The following AGPAT3 variants were observed in gnomAD, a reference collection of about 807,000 sequenced individuals.
AGPAT3 encodes the protein 1-acyl-sn-glycerol-3-phosphate acyltransferase gamma.
In AGPAT3, 5 loss-of-function variants were observed where a neutral mutation model predicts 47.3. The ratio of observed to expected loss-of-function variants is 0.11; its 90% CI spans 0.06 to 0.22. AGPAT3 has a LOEUF of 0.22. Among genes scored for constraint, AGPAT3 ranks in the 10% least tolerant of loss-of-function variants. AGPAT3 has a pLI of 1.00. For missense variants in AGPAT3, 315 were observed against 493.0 expected (o/e 0.64, Z 3.42); for synonymous variants, 212 against 208.3 (o/e 1.02, Z -0.15).
At position 43,934,955 on chromosome 21, in the gene AGPAT3, A is replaced by T. The variant is rs1273174286; in HGVS notation, c.-48-24679A>T. Among the ~76,000 whole-genome samples the T allele has an allele frequency of 6.7e-6, 1 of 148,874 alleles. No homozygotes were observed. The highest frequency in any genetic ancestry group is 2.5e-5 in the African/African-American group (1 of 39,992). ...ATGTCACCCACGCCACTCACATGCCACTCACATGCCATTGACACGCCACCA... is the reference window on the plus strand; with the variant it reads ...ATGTCACCCACGCCACTCACATGCCTCTCACATGCCATTGACACGCCACCA... On this transcript the variant is annotated intron_variant, in intron 2 of 9. Coordinates refer to ENST00000291572, the MANE Select transcript of AGPAT3 (RefSeq NM_020132.5). The surrounding 1 kb of genome is among the most constrained non-coding windows in gnomAD (Gnocchi z 4.7).
Position 43,878,175 on chromosome 21 carries a change from C to T in AGPAT3, c.-112+12830C>T, listed in dbSNP as rs372150015. On this transcript the variant is annotated intron_variant, in intron 1 of 9. Coordinates refer to ENST00000291572, the MANE Select transcript of AGPAT3 (RefSeq NM_020132.5). ...ACCTCACGCTCTGCACCCCCACACC[C>T]GGTCTTCAAGCTGCCCCACTGGCCA... Among the ~76,000 whole-genome samples, 141 of 152,282 alleles carry T rather than the reference C, an allele frequency of 9.3e-4. 1 individual carries two copies. The highest frequency in any genetic ancestry group is 3.4e-3 in the Middle Eastern group (1 of 294).
intron 1 of AGPAT3, among the ~76,000 whole-genome samples, chr21:43,866,125 T>TTTG (rs1555895081): frequency 1.1e-4 from 17 of 151,048 alleles, no homozygotes; most frequent in Non-Finnish European, 2.2e-4. Context: ...GCAGTGTTTT[T>TTTG]TTTTTTTTTT....
intron 1 of AGPAT3, among the ~76,000 whole-genome samples, chr21:43,898,055 G>A (rs1005827236): frequency 6.6e-6 from 1 of 152,174 alleles, no homozygotes; most frequent in Admixed American, 6.5e-5. Context: ...CAGGCAGGGA[G>A]GTTGCAGCGA....
intron 1 of AGPAT3, among the ~76,000 whole-genome samples, chr21:43,887,578 GCGCACA>G (rs1356108369): frequency 6.6e-6 from 1 of 152,232 alleles, no homozygotes; most frequent in Non-Finnish European, 1.5e-5. Context: ...ATAAAAGCGT[GCGCACA>G]CGCACACACA....
At chr21:43,868,715 C>G (rs557540328) in intron 1 of AGPAT3, among the ~76,000 whole-genome samples, 2 of 152,292 alleles carry the variant, frequency 1.3e-5, no homozygotes, top group African/African-American at 4.8e-5. Context: ...GGCTCTTGTT[C>G]TCTTCCTCAT....
At chr21:43,975,609 C>A (rs2089587137) in intron 7 of AGPAT3, among the ~76,000 whole-genome samples, 2 of 152,370 alleles carry the variant, frequency 1.3e-5, no homozygotes, top group Non-Finnish European at 2.9e-5. Flanking sequence ...ATGGGCCCCG[C>A]AGCTCAAGCC....
At chr21:43,969,658 G>GT (rs779505379) in intron 5 of AGPAT3, among the ~76,000 whole-genome samples, 9 of 152,110 alleles carry the variant, frequency 5.9e-5, no homozygotes, top group African/African-American at 1.7e-4. Flanking sequence ...TAGCATTTCT[G>GT]TTTTTTTGTT....
At chr21:43,947,569 G>A (rs1368628258) in intron 2 of AGPAT3, among the ~76,000 whole-genome samples, 1 of 152,214 alleles carries the variant, frequency 6.6e-6, no homozygotes, top group Non-Finnish European at 1.5e-5. Context: ...TCTGAGATGA[G>A]ATTGTTTGCT....
chr21:43,944,624 G>A (rs2087802753), intron 2 of AGPAT3, among the ~76,000 whole-genome samples: 1 of 152,260 alleles, frequency 6.6e-6, no homozygotes, highest in Non-Finnish European at 1.5e-5. Flanking sequence ...CCTCAGACAG[G>A]AGATGCATGT....
At chr21:43,875,776 T>A (rs2085720473) in intron 1 of AGPAT3, among the ~76,000 whole-genome samples, 1 of 152,096 alleles carries the variant, frequency 6.6e-6, no homozygotes, top group African/African-American at 2.4e-5. Context: ...CCCGGCTAAT[T>A]TTTGTATTTC....
chr21:43,903,263 G>C (rs1460893331), intron 1 of AGPAT3, among the ~76,000 whole-genome samples: 1 of 152,196 alleles, frequency 6.6e-6, no homozygotes, highest in Non-Finnish European at 1.5e-5. Flanking sequence ...CGGGGATGGG[G>C]AGTAGGTGTT....
rs971899939 is a variant in AGPAT3 at position 43,880,962 on chromosome 21, G to T, written c.-112+15617G>T. Reference sequence around the variant, plus strand: ...ACAAGTTGGTCATTCTTAATGCCAGGGAGGGGGAAGAGAGAGAAAATGAGA... The same window carrying T: ...ACAAGTTGGTCATTCTTAATGCCAGTGAGGGGGAAGAGAGAGAAAATGAGA... On this transcript the variant is annotated intron_variant, in intron 1 of 9. Transcript: ENST00000291572. The surrounding 1 kb of genome is among the most constrained non-coding windows in gnomAD (Gnocchi z 4.5). 3.7e-5 allele frequency among the ~76,000 whole-genome samples: 5 copies of T among 134,906 alleles called. No homozygotes were observed. Among genetic ancestry groups the T allele is most frequent in the South Asian group, 5.0e-4 (2 of 4,008 alleles). The allele number at this position is 134,906 out of a possible 152,430, so 88.5% of individuals were successfully genotyped here. A position where few individuals can be genotyped will look rare whatever the true frequency, so the allele number is the denominator to read the frequency against.
chr21:43,926,857 A>G (rs911471374), intron 2 of AGPAT3, among the ~76,000 whole-genome samples: 1 of 150,964 alleles, frequency 6.6e-6, no homozygotes, highest in African/African-American at 2.4e-5. Flanking sequence ...GCTACTTGGG[A>G]GGCTGAGGCA....
At chr21:43,973,869 C>T (rs577582315) in intron 7 of AGPAT3, among the ~76,000 whole-genome samples, 125 of 152,296 alleles carry the variant, frequency 8.2e-4, no homozygotes, top group East Asian at 5.0e-3. Flanking sequence ...AGGGCTGGCC[C>T]CTGGGCCGAG....
intron 2 of AGPAT3, among the ~76,000 whole-genome samples, chr21:43,918,564 T>C (rs1389993601): frequency 6.7e-6 from 1 of 149,382 alleles, no homozygotes; most frequent in Admixed American, 6.7e-5. Flanking sequence ...TCTCTGTAAA[T>C]CTAGCAATCT....
chr21:43,925,369 G>C (rs2087020531), intron 2 of AGPAT3: 1 of 152,658 alleles, frequency 6.6e-6, no homozygotes, highest in African/African-American at 2.4e-5. Flanking sequence ...CTGGGCAGCA[G>C]ATAAAAGCCA....
chr21:43,969,231 C>T lies in AGPAT3; in HGVS notation c.462C>T (p.Thr154=), dbSNP rs143039422. 4.4e-5 allele frequency: 71 copies of T among 1,614,084 alleles called. No homozygotes were observed. The highest frequency in any genetic ancestry group is 1.0e-4 in the Admixed American group (6 of 60,004). Residue 154 remains threonine, a synonymous_variant, in exon 5 of 10, where the codon ACC becomes ACT. Coordinates refer to ENST00000291572, the MANE Select transcript of AGPAT3 (RefSeq NM_020132.5). Reference sequence around the variant, plus strand: ...GGAAGTGGGAGGAGGACCGGGACACCGTGGTCGAAGGGCTGAGGCGCCTGT... The same window carrying T: ...GGAAGTGGGAGGAGGACCGGGACACTGTGGTCGAAGGGCTGAGGCGCCTGT... ...CKRKWEEDRD[T]VVEGLRRLSD... is the part of the protein sequence containing the mutation.
chr21:43,870,454 G>A (rs142160260), intron 1 of AGPAT3, among the ~76,000 whole-genome samples: 32 of 152,120 alleles, frequency 2.1e-4, no homozygotes, highest in Non-Finnish European at 3.5e-4. Context: ...GTTCACACCT[G>A]TAATGCCAGC....
intron 2 of AGPAT3, among the ~76,000 whole-genome samples, chr21:43,943,674 G>T (rs947898694): frequency 3.9e-5 from 6 of 152,134 alleles, no homozygotes; most frequent in African/African-American, 1.4e-4. Flanking sequence ...GGCCTCAGCC[G>T]CCACGGCCTG....
Sources: gnomAD v4.1 joint callset for allele counts (sites outside exome capture counted in the v4.1 genomes callset) on GRCh38, gnomAD v4.1.1 for gene constraint, Gnocchi (gnomAD v3.1) non-coding constraint, MANE v1.5 for transcripts, NCBI Gene and HGNC (gene_info 2026-07-23, HGNC 2026-07-21) for gene names.